DMD: variants seen among roughly 807,000 people sequenced by gnomAD.
The protein encoded by DMD is dystrophin, also known as mutant dystrophin.
DMD carries 63 observed loss-of-function variants against 330.1 expected under a neutral mutation model. The observed-to-expected ratio is 0.19, with a 90% confidence interval of 0.16 to 0.24. The LOEUF (loss-of-function observed/expected upper bound fraction) is 0.24, where lower values mean the gene tolerates loss of function less well. Among genes scored for constraint, DMD ranks in the 10% least tolerant of loss-of-function variants. The pLI is 1.00. For missense variants in DMD, 3,344 were observed against 2,684.1 expected (o/e 1.25, Z -5.43); for synonymous variants, 1,223 against 959.8 (o/e 1.27, Z -5.07).
intron 43 of DMD, among the ~76,000 whole-genome samples, chrX:32,276,781 G>A (rs1311930006): frequency 1.8e-5 from 2 of 110,356 alleles, no homozygotes; most frequent in East Asian, 2.9e-4. Context: ...TTAGCCACGC[G>A]TGATTGTGGG....
At chrX:31,147,657 C>A in intron 74 of DMD, 139 bp from the exon 75 acceptor site, 1 of 468,026 alleles carries the variant, frequency 2.1e-6, no homozygotes, top group Admixed American at 3.7e-5. Flanking sequence ...GAACAGCAAG[C>A]AAAAGAGGCA....
In DMD at chrX:32,565,873, T is replaced by A. The variant is rs1449874137; in HGVS notation, c.1821A>T (p.Lys607Asn). ...ATTGCTTTTTCTTTTCTAGATCCGC[T>A]TTTAAAACCTGTTAAAACAAGAAAG... ...LSSLQKLAVL[K>N]ADLEKKKQSM... The change falls in exon 16 of 79, where the codon AAA becomes AAT. Residue 607 changes from lysine (K) to asparagine (N), a missense_variant. Coordinates refer to ENST00000357033, the MANE Select transcript of DMD (RefSeq NM_004006.3). 1.7e-6 allele frequency: 2 copies of A among 1,209,336 alleles called. No homozygotes were observed. Among genetic ancestry groups the A allele is most frequent in the East Asian group, 3.0e-5 (1 of 33,767 alleles).
intron 13 of DMD, among the ~76,000 whole-genome samples, chrX:32,582,308 A>G (rs1211410222): frequency 9.0e-6 from 1 of 111,699 alleles, no homozygotes; most frequent in Non-Finnish European, 1.9e-5. Flanking sequence ...GTAGCATGGT[A>G]CCTGGATACA....
intron 9 of DMD, among the ~76,000 whole-genome samples, chrX:32,661,646 T>A (rs2060955003): frequency 8.9e-6 from 1 of 111,754 alleles, no homozygotes; most frequent in Admixed American, 9.5e-5. Context: ...TCTCATACAC[T>A]CACAGAATTG....
intron 74 of DMD, among the ~76,000 whole-genome samples, chrX:31,152,776 G>A (rs1306574949): frequency 8.9e-6 from 1 of 112,449 alleles, no homozygotes; most frequent in East Asian, 2.8e-4. Context: ...CTGGGCACAA[G>A]CAGTCCTCCC....
intron 1 of DMD, among the ~76,000 whole-genome samples, chrX:33,331,469 G>A (rs936217990): frequency 8.9e-6 from 1 of 111,850 alleles, no homozygotes; most frequent in Non-Finnish European, 1.9e-5. Flanking sequence ...AGTAAAAACA[G>A]ACTATGATGG....
At chrX:32,820,864 T>C (rs1171794251) in intron 5 of DMD, among the ~76,000 whole-genome samples, 1 of 112,181 alleles carries the variant, frequency 8.9e-6, no homozygotes, top group East Asian at 2.8e-4. Flanking sequence ...GTGTTGGGCA[T>C]CTTATTTTTG....
intron 47 of DMD, among the ~76,000 whole-genome samples, chrX:31,917,939 T>G (rs778824631): frequency 8.9e-6 from 1 of 112,005 alleles, no homozygotes; most frequent in African/African-American, 3.2e-5. Context: ...ACCAGAGTAC[T>G]AGAAGAAAAC....
intron 2 of DMD, among the ~76,000 whole-genome samples, chrX:32,922,701 C>T (rs1192258098): frequency 8.9e-6 from 1 of 112,426 alleles, no homozygotes; most frequent in Non-Finnish European, 1.9e-5. Flanking sequence ...TCCTGCTGTT[C>T]CCCCTGGTTT....
At chrX:32,170,328 T>C (rs776621606) in intron 44 of DMD, among the ~76,000 whole-genome samples, 2 of 108,740 alleles carry the variant, frequency 1.8e-5, no homozygotes, top group South Asian at 8.2e-4. Context: ...AAAAATTAAC[T>C]GGGAGGGGTG....
chrX:32,687,291 T>C (rs936326306), intron 9 of DMD, among the ~76,000 whole-genome samples: 4 of 112,176 alleles, frequency 3.6e-5, no homozygotes, highest in African/African-American at 1.3e-4. Context: ...CTAACCTGGA[T>C]TCTTCAGAAG....
intron 50 of DMD, among the ~76,000 whole-genome samples, chrX:31,817,421 A>C (rs1042089014): frequency 6.3e-5 from 7 of 111,832 alleles, no homozygotes; most frequent in African/African-American, 1.9e-4. Flanking sequence ...AGAAAAAAGA[A>C]AATCTTATTT....
intron 42 of DMD, among the ~76,000 whole-genome samples, chrX:32,288,003 A>T (rs2097450128): frequency 9.1e-6 from 1 of 110,009 alleles, no homozygotes; most frequent in Non-Finnish European, 1.9e-5. Flanking sequence ...TCCTGATCTT[A>T]ATATTAGAGT....
intron 44 of DMD, among the ~76,000 whole-genome samples, chrX:31,970,067 A>G (rs182465556): frequency 8.9e-6 from 1 of 112,145 alleles, no homozygotes; most frequent in African/African-American, 3.2e-5. Flanking sequence ...GGTTTATGCC[A>G]TTACTTTTAT....
At chrX:32,303,979 C>T (rs1184964003) in intron 42 of DMD, among the ~76,000 whole-genome samples, 1 of 111,125 alleles carries the variant, frequency 9.0e-6, no homozygotes, top group Non-Finnish European at 1.9e-5. Context: ...TTTTTGGTGG[C>T]TCTATGGTAA....
At chrX:32,777,282 G>GGGGGGGGGGGGGGGC (rs1368782701) in intron 7 of DMD, among the ~76,000 whole-genome samples, 2 of 54,132 alleles carry the variant, frequency 3.7e-5, no homozygotes, top group Non-Finnish European at 7.3e-5. Flanking sequence ...CTGGTTGGGG[G>GGGGGGGGGGGGGGGC]GGGAATCCTA....
intron 2 of DMD, among the ~76,000 whole-genome samples, chrX:32,970,234 G>A (rs1231358407): frequency 3.2e-5 from 3 of 94,011 alleles, no homozygotes; most frequent in Non-Finnish European, 6.1e-5. Context: ...CTTTGCTAAA[G>A]AATAAGACCT....
chrX:31,925,414 TATAAC>T (rs2094756352), intron 47 of DMD, among the ~76,000 whole-genome samples: 1 of 111,210 alleles, frequency 9.0e-6, no homozygotes, highest in South Asian at 3.7e-4. Context: ...AATACCCACA[TATAAC>T]ATATACAAAG....
chrX:32,477,411 A>G (rs987120184), intron 21 of DMD, among the ~76,000 whole-genome samples: 1 of 110,976 alleles, frequency 9.0e-6, no homozygotes, highest in Admixed American at 9.7e-5. Flanking sequence ...GAATACAAAA[A>G]AGAAGTTTTC....
Sources: gnomAD v4.1 joint callset for allele counts (sites outside exome capture counted in the v4.1 genomes callset) on GRCh38, gnomAD v4.1.1 for gene constraint, MANE v1.5 for transcripts, NCBI Gene and HGNC (gene_info 2026-07-23, HGNC 2026-07-21) for gene names.